Variants in SIK2 observed in about 807,000 individuals in gnomAD.
SIK2 encodes the protein serine/threonine-protein kinase SIK2.
Under a neutral mutation model 103.2 loss-of-function variants are expected in SIK2, and 29 were observed. The observed-to-expected ratio is 0.28, with a 90% CI of 0.21 to 0.38. The LOEUF (loss-of-function observed/expected upper bound fraction) is 0.38, where lower values mean the gene tolerates loss of function less well. Ranked by LOEUF, SIK2 falls within the 10% of genes least tolerant of loss-of-function variation. The probability of loss-of-function intolerance (pLI) is 1.00; values close to 1 mark genes in which losing one functional copy is unlikely to be tolerated. For missense variants in SIK2, 879 were observed against 1,171.0 expected (o/e 0.75, Z 3.64); for synonymous variants, 412 against 446.1 (o/e 0.92, Z 0.96).
rs888466052 is a variant in SIK2, at chr11:111,725,608, A to T, written c.*1479A>T. On this transcript the variant is annotated 3_prime_UTR_variant, in exon 15 of 15. Transcript: ENST00000304987. ...GAATGGCTTGTCCCATCAGCAGATG[A>T]ATGTGTTAAGCACAAAGCATCTTCC... The T allele has an allele frequency of 6.5e-6, 1 of 152,696 alleles. No homozygotes were observed. Among genetic ancestry groups the T allele is most frequent in the Non-Finnish European group, 1.5e-5 (1 of 68,052 alleles). 9.5% of individuals were successfully genotyped at this position (152,696 alleles called of 1,614,324 possible).
intron 3 of SIK2, among the ~76,000 whole-genome samples, chr11:111,686,252 G>C (rs572852992): frequency 6.6e-6 from 1 of 152,084 alleles, no homozygotes; most frequent in African/African-American, 2.4e-5. Flanking sequence ...ACCAGCCCGG[G>C]CAACATGGTG....
chr11:111,703,563 G>A (rs906909600), intron 7 of SIK2, 140 bp downstream of exon 7: 2 of 686,902 alleles, frequency 2.9e-6, no homozygotes, highest in African/African-American at 1.8e-5. Context: ...GATGACATCA[G>A]ACTCTATTTA....
chr11:111,723,924 C>A lies in SIK2; in HGVS notation c.2576C>A (p.Pro859Gln). 7 of 1,613,974 alleles carry A rather than the reference C, an allele frequency of 4.3e-6. No homozygotes were observed. The highest frequency in any genetic ancestry group is 5.9e-6 in the Non-Finnish European group (7 of 1,179,936). Residue 859 changes from proline (P) to glutamine (Q), a missense_variant, in exon 15 of 15, where the codon CCA becomes CAA. Transcript: ENST00000304987. ...CTGCCAAGCGCTGCTTCCCCTGCGCCAGACTATCCCACTCCCTGTCAGTAT... is the reference window on the plus strand; with the variant it reads ...CTGCCAAGCGCTGCTTCCCCTGCGCAAGACTATCCCACTCCCTGTCAGTAT... ...CELPSAASPA[P>Q]DYPTPCQYPV... is the part of the protein sequence containing the mutation.
At chr11:111,697,615 C>T (rs1196589954) in intron 4 of SIK2, among the ~76,000 whole-genome samples, 1 of 152,086 alleles carries the variant, frequency 6.6e-6, no homozygotes, top group African/African-American at 2.4e-5. Context: ...TCCAAGATTG[C>T]ATAGCTAATA....
intron 7 of SIK2, among the ~76,000 whole-genome samples, chr11:111,704,682 T>C (rs960322068): frequency 2.6e-5 from 4 of 152,172 alleles, no homozygotes; most frequent in Admixed American, 2.0e-4. Flanking sequence ...ATGGCAGCAT[T>C]GGGGAATGTC....
chr11:111,723,827 C>T lies in SIK2; in HGVS notation c.2479C>T (p.Pro827Ser). ...ACAGCAGCAGCAGCCGCCACCGCCACCACCCCCTCCACCACCACGACAGCC... is the reference window on the plus strand; with the variant it reads ...ACAGCAGCAGCAGCCGCCACCGCCATCACCCCCTCCACCACCACGACAGCC... ...QLQQQQPPPP[P>S]PPPPPRQPGA... The change falls in exon 15 of 15, where the codon CCA becomes TCA. Residue 827 changes from proline to serine, a missense_variant. By Grantham distance (74) the Pro-to-Ser change is moderately conservative (BLOSUM62 -1). This residue lies in a region of SIK2 where 375 missense variants were observed against 416.3 expected (regional missense o/e 0.90). Transcript: ENST00000304987. The T allele has an allele frequency of 6.2e-7, 1 of 1,613,502 alleles. No homozygotes were observed. The highest frequency in any genetic ancestry group is 8.5e-7 in the Non-Finnish European group (1 of 1,179,882).
chr11:111,701,765 C>G lies in SIK2; in HGVS notation c.727+190C>G, dbSNP rs1409160926. Among the ~76,000 whole-genome samples, 1 of 152,152 alleles carries G rather than the reference C, an allele frequency of 6.6e-6. No homozygotes were observed. The highest frequency in any genetic ancestry group is 1.5e-5 in the Non-Finnish European group (1 of 68,020). On this transcript the variant is annotated intron_variant, in intron 6 of 14. Transcript: ENST00000304987. The surrounding 1 kb of genome is among the most constrained non-coding windows in gnomAD (Gnocchi z 4.2). ...ACAGGTTCCAGCCTTCTACTTGTAA[C>G]TAAACACACAGCATTTCCCAGATTA...
chr11:111,665,370 G>T (rs1358007179), intron 3 of SIK2, among the ~76,000 whole-genome samples: 3 of 151,992 alleles, frequency 2.0e-5, no homozygotes, highest in Non-Finnish European at 4.4e-5. Flanking sequence ...TGTGTGGTGG[G>T]GGTGCTTCTG....
chr11:111,623,240 T>A (rs1332135101), intron 3 of SIK2, among the ~76,000 whole-genome samples: 1 of 152,262 alleles, frequency 6.6e-6, no homozygotes, highest in Non-Finnish European at 1.5e-5. Context: ...TGACTAGGAC[T>A]GTTTTTTAAT....
At chr11:111,644,346 T>A (rs915511441) in intron 3 of SIK2, among the ~76,000 whole-genome samples, 3 of 151,612 alleles carry the variant, frequency 2.0e-5, no homozygotes, top group Admixed American at 1.3e-4. Context: ...CCGAAATCCT[T>A]ATTTTCCTGA....
chr11:111,602,452 G>T lies in SIK2; in HGVS notation c.-112G>T. On this transcript the variant is annotated 5_prime_UTR_variant, in exon 1 of 15. Coordinates refer to ENST00000304987, the MANE Select transcript of SIK2 (RefSeq NM_015191.3). The surrounding 1 kb of genome is among the most constrained non-coding windows in gnomAD (Gnocchi z 4.5). ...TGGGCCCTGGGGAGCGGGAGGGAAG[G>T]AGCGAAGGAGCGAAGGAGCAAGCGG... 8.3e-7 allele frequency: 1 copy of T among 1,207,480 alleles called. No homozygotes were observed. The highest frequency in any genetic ancestry group is 1.1e-6 in the Non-Finnish European group (1 of 925,956). 74.8% of individuals were successfully genotyped at this position (1,207,480 alleles called of 1,614,324 possible). A position where few individuals can be genotyped will look rare whatever the true frequency, so the allele number is the denominator to read the frequency against.
chr11:111,701,923 A>AT lies in SIK2; in HGVS notation c.727+355dup. Among the ~76,000 whole-genome samples, 1 of 152,280 alleles carries AT rather than the reference A, an allele frequency of 6.6e-6. No homozygotes were observed. Among genetic ancestry groups the AT allele is most frequent in the African/African-American group, 2.4e-5 (1 of 41,564 alleles). On this transcript the variant is annotated intron_variant, in intron 6 of 14. Coordinates refer to ENST00000304987, the MANE Select transcript of SIK2 (RefSeq NM_015191.3). This position sits in a 1 kb window ranked among gnomAD's most constrained non-coding sequence, Gnocchi z 4.2. ...ATGAAATGAACTTTATAAAATTAAA[A>AT]TTTTTTTAATTAAATAAAAAGCCAA...
rs1943753690 is a variant in SIK2 at position 111,719,990 on chromosome 11, G to A, written c.1482G>A (p.Val494=). The stretch of plus-strand genomic sequence containing the variant: ...CAGAAGTGACCAATCAACTGGTCGT[G>A]ATGCCTGGGGCAGGTACGGTAGAGG... ...TLSEVTNQLV[V]MPGAGKIFSM... The change falls in exon 10 of 15, where the codon GTG becomes GTA. Residue 494 remains valine, a synonymous_variant. Transcript: ENST00000304987. The A allele has an allele frequency of 6.2e-7, 1 of 1,613,674 alleles. No homozygotes were observed. Among genetic ancestry groups the A allele is most frequent in the Non-Finnish European group, 8.5e-7 (1 of 1,179,740 alleles).
At chr11:111,634,948 C>T (rs1242485452) in intron 3 of SIK2, among the ~76,000 whole-genome samples, 2 of 152,170 alleles carry the variant, frequency 1.3e-5, no homozygotes, top group Non-Finnish European at 2.9e-5. Context: ...TGAATGCATG[C>T]AGATGAAATT....
In SIK2 at chr11:111,672,270, T is replaced by C. The variant is rs1473661516; in HGVS notation, c.317-15731T>C. On this transcript the variant is annotated intron_variant, in intron 3 of 14. Transcript: ENST00000304987. Reference sequence around the variant, plus strand: ...CTGGCACTTAGGCCACCCAGGAAGCTGCTGCTGTTGCCCACCAGGAGAAGC... The same window carrying C: ...CTGGCACTTAGGCCACCCAGGAAGCCGCTGCTGTTGCCCACCAGGAGAAGC... The C allele has an allele frequency of 1.0e-5, 4 of 381,470 alleles. No homozygotes were observed. The East Asian group carries it at 2.6e-4, about 25-fold the overall frequency. 23.6% of individuals were successfully genotyped at this position (381,470 alleles called of 1,614,324 possible). A position where few individuals can be genotyped will look rare whatever the true frequency, so the allele number is the denominator to read the frequency against.
chr11:111,701,436 T>C lies in SIK2; in HGVS notation c.604-16T>C, dbSNP rs1943209548. ...CGTTCTTGGTAGAAAAGTCTCTGCA[T>C]TGTTTTCTTCCCTAGAGTATGGGAG... On this transcript the variant is annotated splice_polypyrimidine_tract_variant and intron_variant, in intron 5 of 14. Transcript: ENST00000304987. The surrounding 1 kb of genome is among the most constrained non-coding windows in gnomAD (Gnocchi z 4.2). The C allele has an allele frequency of 6.2e-7, 1 of 1,608,564 alleles. No homozygotes were observed. The highest frequency in any genetic ancestry group is 8.5e-7 in the Non-Finnish European group (1 of 1,176,428).
At chr11:111,654,493 TTTC>T (rs999437089) in intron 3 of SIK2, among the ~76,000 whole-genome samples, 1 of 152,238 alleles carries the variant, frequency 6.6e-6, no homozygotes, top group African/African-American at 2.4e-5. Flanking sequence ...CTTTTTCTTA[TTTC>T]TTGACTCAGT....
chr11:111,610,716 G>T (rs1316866450), intron 1 of SIK2, among the ~76,000 whole-genome samples: 1 of 151,958 alleles, frequency 6.6e-6, no homozygotes, highest in Non-Finnish European at 1.5e-5. Flanking sequence ...AAATAATATA[G>T]CCATTTTCTA....
At chr11:111,618,318 C>T (rs573592638) in intron 2 of SIK2, among the ~76,000 whole-genome samples, 3 of 152,204 alleles carry the variant, frequency 2.0e-5, no homozygotes, top group Non-Finnish European at 2.9e-5. Flanking sequence ...TAACAGGCCA[C>T]GGACTGCACC....
Sources: gnomAD v4.1 joint callset for allele counts (sites outside exome capture counted in the v4.1 genomes callset) on GRCh38, gnomAD v4.1.1 for gene constraint, gnomAD v4.1.1 regional missense constraint, Gnocchi (gnomAD v3.1) non-coding constraint, MANE v1.5 for transcripts, NCBI Gene and HGNC (gene_info 2026-07-23, HGNC 2026-07-21) for gene names.